The following BRCA2 variants were observed in gnomAD, a reference collection of about 807,000 sequenced individuals.
BRCA2 encodes the protein breast cancer type 2 susceptibility protein.
In BRCA2, 203 loss-of-function variants were observed where a neutral mutation model predicts 276.7. The ratio of observed to expected loss-of-function variants is 0.73; its 90% CI spans 0.65 to 0.82. The LOEUF is 0.82. BRCA2 is among the 40% of genes least tolerant of loss of function. The pLI is 0.00. For missense variants in BRCA2, 3,920 were observed against 3,915.0 expected (o/e 1.00, Z -0.03); for synonymous variants, 1,289 against 1,338.4 (o/e 0.96, Z 0.81).
intron 10 of BRCA2, 45 bp downstream of exon 10, chr13:32,333,432 T>A (rs776187650): frequency 3.8e-6 from 6 of 1,567,434 alleles, no homozygotes; most frequent in Non-Finnish European, 5.2e-6. Context: ...TATAGTTTTA[T>A]AGATGACGAT....
Position 32,379,378 on chromosome 13 carries a change from A to G in BRCA2, c.8816A>G (p.Lys2939Arg), listed in dbSNP as rs755075283. The G allele has an allele frequency of 1.2e-6, 2 of 1,613,942 alleles. No homozygotes were observed. Among genetic ancestry groups the G allele is most frequent in the Admixed American group, 3.3e-5 (2 of 60,018 alleles). Reference sequence around the variant, plus strand: ...AATCACAGGCAAATGTTGAATGATAAGAAACAAGCTCAGATCCAGTTGGAA... The same window carrying G: ...AATCACAGGCAAATGTTGAATGATAGGAAACAAGCTCAGATCCAGTTGGAA... ...LNNHRQMLND[K>R]KQAQIQLEIR... is the part of the protein sequence containing the mutation. The change falls in exon 22 of 27, where the codon AAG (lysine) becomes AGG (arginine). Residue 2939 changes from lysine to arginine, a missense_variant. Around this residue, in one of 2 missense-constraint regions of BRCA2, gnomAD observed 657 missense variants for 758.2 expected, o/e 0.87. Coordinates refer to ENST00000380152, the MANE Select transcript of BRCA2 (RefSeq NM_000059.4).
At chr13:32,376,967 C>G (rs916855769) in intron 21 of BRCA2, among the ~76,000 whole-genome samples, 176 bp downstream of exon 21, 2 of 152,078 alleles carry the variant, frequency 1.3e-5, no homozygotes, top group Non-Finnish European at 2.9e-5. Flanking sequence ...GGTATGTTTT[C>G]AACTATATAC....
chr13:32,346,375 A>T (rs1177550233), intron 12 of BRCA2, among the ~76,000 whole-genome samples: 1 of 152,008 alleles, frequency 6.6e-6, no homozygotes, highest in South Asian at 2.1e-4. Context: ...TTTTGTGGTT[A>T]CATAGTAGTT....
rs587780871 is a variant in BRCA2, at chr13:32,355,041, G to T, written c.7188G>T (p.Leu2396Phe). Residue 2396 changes from leucine (L) to phenylalanine (F), a missense_variant, in exon 14 of 27, where the codon TTG becomes TTT. By Grantham distance (22) the Leu-to-Phe change is conservative (BLOSUM62 0). This residue lies in a region of BRCA2 where 3,263 missense variants were observed against 3,156.9 expected (regional missense o/e 1.03). Coordinates refer to ENST00000380152, the MANE Select transcript of BRCA2 (RefSeq NM_000059.4). ...SATRNEKMRHLITTGRPTKVF... is the reference protein window; with the variant it reads ...SATRNEKMRHFITTGRPTKVF... ...CAAGAAATGAAAAAATGAGACACTT[G>T]ATTACTACAGGCAGACCAACCAAAG... is the stretch of plus-strand genomic sequence containing the variant. 7 of 1,613,884 alleles carry T rather than the reference G, an allele frequency of 4.3e-6. No individual in the cohort carries two copies. The Admixed American group carries it at 8.3e-5, about 19-fold the overall frequency.
chr13:32,375,279 T>G, intron 20 of BRCA2: 1 of 368,120 alleles, frequency 2.7e-6, no homozygotes, highest in Non-Finnish European at 5.3e-6. Flanking sequence ...TTGCAGTAAT[T>G]CAGTCACATC....
chr13:32,358,991 G>A, intron 16 of BRCA2, among the ~76,000 whole-genome samples: 1 of 151,092 alleles, frequency 6.6e-6, no homozygotes. Context: ...GGAGGTTGAG[G>A]TGGGCAGATC....
At chr13:32,396,694 C>T in intron 25 of BRCA2, 1 of 608,232 alleles carries the variant, frequency 1.6e-6, no homozygotes, top group Middle Eastern at 4.4e-4. Context: ...CTGTTCCCCT[C>T]TCCCTATCAG....
At position 32,362,537 on chromosome 13, in the gene BRCA2, C is replaced by T. The variant is rs1555286821; in HGVS notation, c.7820C>T (p.Thr2607Ile). The T allele has an allele frequency of 6.2e-7, 1 of 1,613,848 alleles. No homozygotes were observed. The highest frequency in any genetic ancestry group is 8.5e-7 in the Non-Finnish European group (1 of 1,179,802). ...KEEFYRALCDTPGVDPKLISR... is the reference protein window; with the variant it reads ...KEEFYRALCDIPGVDPKLISR... ...TATTTGTTCAGGGCTCTGTGTGACACTCCAGGTGTGGATCCAAAGCTTATT... is the reference window on the plus strand; with the variant it reads ...TATTTGTTCAGGGCTCTGTGTGACATTCCAGGTGTGGATCCAAAGCTTATT... The change falls in exon 17 of 27, where the codon ACT becomes ATT. Residue 2607 changes from threonine (T) to isoleucine (I), a missense_variant. Thr to Ile is a moderately conservative substitution (Grantham distance 89). This residue lies in a region of BRCA2 where 3,263 missense variants were observed against 3,156.9 expected (regional missense o/e 1.03). Coordinates refer to ENST00000380152, the MANE Select transcript of BRCA2 (RefSeq NM_000059.4).
At chr13:32,317,399 T>G (rs553486624) in intron 2 of BRCA2, among the ~76,000 whole-genome samples, 27 of 152,346 alleles carry the variant, frequency 1.8e-4, no homozygotes, top group Admixed American at 1.5e-3. Flanking sequence ...TATCTGTGTC[T>G]AATCTGTTAT....
rs55742659 is a variant in BRCA2 at position 32,354,895 on chromosome 13, A to C, written c.7042A>C (p.Asn2348His). The C allele has an allele frequency of 1.9e-6, 3 of 1,613,144 alleles. No individual in the cohort carries two copies. In the African/African-American group the frequency reaches 4.0e-5, roughly 22 times the overall value. ...GGAACGTCAAGAGATACAGAATCCAAATTTTACCGCACCTGGTCAAGAATT... is the reference window on the plus strand; with the variant it reads ...GGAACGTCAAGAGATACAGAATCCACATTTTACCGCACCTGGTCAAGAATT... Reference protein sequence around the residue: ...TKERQEIQNPNFTAPGQEFLS... With the variant: ...TKERQEIQNPHFTAPGQEFLS... Residue 2348 changes from asparagine (N) to histidine (H), a missense_variant, in exon 14 of 27, where the codon AAT becomes CAT. Transcript: ENST00000380152.
chr13:32,384,403 A>G, intron 24 of BRCA2, among the ~76,000 whole-genome samples: 1 of 152,256 alleles, frequency 6.6e-6, no homozygotes, highest in East Asian at 1.9e-4. Flanking sequence ...GAAAGGCCAC[A>G]TCCAAAGCCT....
Position 32,333,313 on chromosome 13 carries a change from A to T in BRCA2, c.1835A>T (p.Glu612Val), listed in dbSNP as rs2137475426. 1.2e-6 allele frequency: 2 copies of T among 1,607,222 alleles called. No individual in the cohort carries two copies. The highest frequency in any genetic ancestry group is 1.7e-6 in the Non-Finnish European group (2 of 1,178,410). Residue 612 changes from glutamate to valine, a missense_variant, in exon 10 of 27, where the codon GAA becomes GTA. Physicochemically the swap from Glu to Val is moderately radical, Grantham distance 121 (BLOSUM62 -2). Around this residue, in one of 2 missense-constraint regions of BRCA2, gnomAD observed 3,263 missense variants for 3,156.9 expected, o/e 1.03. Transcript: ENST00000380152. ...AAAATACCGAAAGACCAAAAATCAG[A>T]ACTAATTAACTGTTCAGCCCAGTTT... The part of the protein sequence containing the change: ...GKKIPKDQKS[E>V]LINCSAQFEA...
intron 16 of BRCA2, among the ~76,000 whole-genome samples, chr13:32,360,526 A>G (rs1051209442): frequency 6.6e-6 from 1 of 151,926 alleles, no homozygotes; most frequent in African/African-American, 2.4e-5. Context: ...TGCCCGGCTG[A>G]TTTTTGTGTT....
intron 24 of BRCA2, among the ~76,000 whole-genome samples, chr13:32,393,322 C>G (rs1166066590): frequency 6.6e-6 from 1 of 152,124 alleles, no homozygotes; most frequent in African/African-American, 2.4e-5. Flanking sequence ...CCTTTCTTTC[C>G]TTCTACATTA....
intron 1 of BRCA2, among the ~76,000 whole-genome samples, chr13:32,316,127 G>A (rs1394468365): frequency 6.6e-6 from 1 of 151,368 alleles, no homozygotes; most frequent in Non-Finnish European, 1.5e-5. Flanking sequence ...TCTAACTGGA[G>A]CCCTCTGTCC....
chr13:32,398,246 T>G lies in BRCA2; in HGVS notation c.9733T>G (p.Ser3245Ala), dbSNP rs1555289934. 1.2e-6 allele frequency: 2 copies of G among 1,614,124 alleles called. No individual in the cohort carries two copies. Among genetic ancestry groups the G allele is most frequent in the East Asian group, 4.5e-5 (2 of 44,888 alleles). The change falls in exon 27 of 27, where the codon TCA becomes GCA. Residue 3245 changes from serine to alanine, a missense_variant. Ser to Ala is a moderately conservative substitution (Grantham distance 99). This residue lies in a region of BRCA2 where 657 missense variants were observed against 758.2 expected (regional missense o/e 0.87). Coordinates refer to ENST00000380152, the MANE Select transcript of BRCA2 (RefSeq NM_000059.4). ...AAGGAAGTCTGTTTCCACACCTGTCTCAGCCCAGATGACTTCAAAGTCTTG... is the reference window on the plus strand; with the variant it reads ...AAGGAAGTCTGTTTCCACACCTGTCGCAGCCCAGATGACTTCAAAGTCTTG... ...AKRKSVSTPVSAQMTSKSCKG... is the reference protein window; with the variant it reads ...AKRKSVSTPVAAQMTSKSCKG...
At chr13:32,354,441 AG>A (rs1411952297) in intron 13 of BRCA2, among the ~76,000 whole-genome samples, 1 of 152,198 alleles carries the variant, frequency 6.6e-6, no homozygotes, top group Non-Finnish European at 1.5e-5. Flanking sequence ...AGGTATAAAT[AG>A]GTAGAAGAGA....
At position 32,326,075 on chromosome 13, in the gene BRCA2, A is replaced by G. The variant is rs770859940; in HGVS notation, c.426-26A>G. 6 of 1,593,830 alleles carry G rather than the reference A, an allele frequency of 3.8e-6. No individual in the cohort carries two copies. The Admixed American group carries it at 6.8e-5, about 18-fold the overall frequency. On this transcript the variant is annotated intron_variant, in intron 4 of 26. Transcript: ENST00000380152. ...TTTTGCCAGTTTTTTAAAATAACCT[A>G]AGGGATTTGCTTTGTTTTATTTTAG...
intron 24 of BRCA2, among the ~76,000 whole-genome samples, chr13:32,392,493 C>G (rs879602301): frequency 2.0e-5 from 3 of 151,948 alleles, no homozygotes; most frequent in Non-Finnish European, 1.5e-5. Context: ...CAAGACCAGC[C>G]TGGCCAACAT....
Sources: gnomAD v4.1 joint callset for allele counts (sites outside exome capture counted in the v4.1 genomes callset) on GRCh38, gnomAD v4.1.1 for gene constraint, gnomAD v4.1.1 regional missense constraint, MANE v1.5 for transcripts, NCBI Gene and HGNC (gene_info 2026-07-23, HGNC 2026-07-21) for gene names.